The following FAT3 variants were observed in gnomAD, a reference collection of about 807,000 sequenced individuals.
The protein encoded by FAT3 is FAT atypical cadherin 3.
A neutral mutation model predicts 310.2 loss-of-function variants in FAT3; 95 were observed. The observed-to-expected ratio is 0.31, with a 90% confidence interval of 0.26 to 0.36. The LOEUF (loss-of-function observed/expected upper bound fraction) is 0.36. Ranked by LOEUF, FAT3 falls within the 10% of genes least tolerant of loss-of-function variation. The probability of loss-of-function intolerance (pLI) is 1.00; values close to 1 mark genes in which losing one functional copy is unlikely to be tolerated. For synonymous variants in FAT3, 2,314 were observed against 2,192.9 expected (o/e 1.06, Z -1.54); for missense variants, 5,408 against 5,715.6 (o/e 0.95, Z 1.74).
chr11:92,313,777 C>G (rs1384938065), intron 1 of FAT3, among the ~76,000 whole-genome samples: 2 of 152,216 alleles, frequency 1.3e-5, no homozygotes, highest in Non-Finnish European at 2.9e-5. Context: ...TCAGGCCGGT[C>G]TTGAACTCCT....
chr11:92,640,479 C>A (rs746004118), intron 3 of FAT3, among the ~76,000 whole-genome samples: 1 of 152,070 alleles, frequency 6.6e-6, no homozygotes, highest in Non-Finnish European at 1.5e-5. Context: ...TTAATTACTG[C>A]CATTATGACT....
chr11:92,327,963 CCTTT>C (rs1947810302), intron 1 of FAT3, among the ~76,000 whole-genome samples: 1 of 152,130 alleles, frequency 6.6e-6, no homozygotes, highest in South Asian at 2.1e-4. Flanking sequence ...CCTGTGTCTA[CCTTT>C]CTTTTTCTCT....
chr11:92,644,150 G>A (rs1052098793), intron 3 of FAT3, among the ~76,000 whole-genome samples: 1 of 152,190 alleles, frequency 6.6e-6, no homozygotes, highest in Admixed American at 6.5e-5. Flanking sequence ...CTTTTGTCAG[G>A]CAGGCCAGGG....
At chr11:92,675,118 A>C (rs777122571) in intron 3 of FAT3, among the ~76,000 whole-genome samples, 3 of 152,164 alleles carry the variant, frequency 2.0e-5, no homozygotes, top group Non-Finnish European at 4.4e-5. Context: ...TGAGAAATCT[A>C]ATTCTCAAGC....
intron 1 of FAT3, among the ~76,000 whole-genome samples, chr11:92,311,233 T>G (rs1420784469): frequency 2.0e-5 from 3 of 152,178 alleles, no homozygotes; most frequent in African/African-American, 7.2e-5. Context: ...ATGGAATTTA[T>G]GCAGTTGGAA....
rs377677820 is a variant in FAT3, at chr11:92,303,664, C to A, written c.-17-48432C>A. ...AAGAGCAATAAATGTATTGTTGTAG[C>A]TTAAAGTTCCAGGAGCACAGCTTAG... is the stretch of plus-strand genomic sequence containing the variant. On this transcript the variant is annotated intron_variant, in intron 1 of 27. Coordinates refer to ENST00000525166, the MANE Select transcript of FAT3 (RefSeq NM_001367949.2). 3.4e-4 allele frequency among the ~76,000 whole-genome samples: 52 copies of A among 152,210 alleles called. No homozygotes were observed. In the East Asian group the frequency reaches 8.1e-3, roughly 24 times the overall value.
At chr11:92,592,091 A>G (rs1009816538) in intron 3 of FAT3, among the ~76,000 whole-genome samples, 3 of 152,110 alleles carry the variant, frequency 2.0e-5, no homozygotes, top group African/African-American at 7.2e-5. Flanking sequence ...ACGAGAAACG[A>G]TGAGGTGGGG....
chr11:92,291,440 C>T (rs1015643936), intron 1 of FAT3, among the ~76,000 whole-genome samples: 3 of 152,116 alleles, frequency 2.0e-5, no homozygotes, highest in East Asian at 3.9e-4. Context: ...GTATCTAATT[C>T]ATAACCCTCA....
intron 19 of FAT3, among the ~76,000 whole-genome samples, chr11:92,851,537 T>G (rs1002917989): frequency 1.3e-5 from 2 of 152,186 alleles, no homozygotes; most frequent in Non-Finnish European, 2.9e-5. Flanking sequence ...TTTACTTATC[T>G]TACTACCCCA....
chr11:92,447,937 G>T (rs969600130), intron 2 of FAT3, among the ~76,000 whole-genome samples: 9 of 152,202 alleles, frequency 5.9e-5, no homozygotes, highest in African/African-American at 2.2e-4. Flanking sequence ...TCCAGAATTA[G>T]GTTCAAATTG....
intron 3 of FAT3, among the ~76,000 whole-genome samples, chr11:92,645,041 T>G (rs945282285): frequency 6.6e-6 from 1 of 152,154 alleles, no homozygotes; most frequent in Non-Finnish European, 1.5e-5. Context: ...CAAAAAGTGT[T>G]TTTTTGATAA....
At chr11:92,580,413 A>G (rs377216712) in intron 3 of FAT3, among the ~76,000 whole-genome samples, 91 of 152,184 alleles carry the variant, frequency 6.0e-4, no homozygotes, top group African/African-American at 2.0e-3. Flanking sequence ...TTAAGCTCCA[A>G]TTCAGAAAAT....
intron 13 of FAT3, among the ~76,000 whole-genome samples, chr11:92,817,632 C>T (rs1947856753): frequency 6.6e-6 from 1 of 152,218 alleles, no homozygotes; most frequent in Admixed American, 6.5e-5. Context: ...CTGGAATGAA[C>T]TGGGTTTTCC....
At chr11:92,651,479 C>T (rs1160325257) in intron 3 of FAT3, among the ~76,000 whole-genome samples, 3 of 152,156 alleles carry the variant, frequency 2.0e-5, no homozygotes, top group Admixed American at 6.5e-5. Context: ...GCTTGTTGCT[C>T]CTCTAATCCC....
chr11:92,493,128 AC>A (rs1342737943), intron 2 of FAT3, among the ~76,000 whole-genome samples: 1 of 152,030 alleles, frequency 6.6e-6, no homozygotes, highest in African/African-American at 2.4e-5. Flanking sequence ...GATGGGTTTG[AC>A]CTTTGATGGA....
intron 3 of FAT3, among the ~76,000 whole-genome samples, chr11:92,603,751 A>T (rs1940142196): frequency 6.6e-6 from 1 of 152,190 alleles, no homozygotes. Flanking sequence ...AGTCCACCAG[A>T]TTGCTCTTAA....
At chr11:92,685,122 A>G (rs1016311320) in intron 3 of FAT3, among the ~76,000 whole-genome samples, 17 of 152,296 alleles carry the variant, frequency 1.1e-4, no homozygotes, top group Non-Finnish European at 7.3e-5. Context: ...GAAATGAAAC[A>G]TGGGCTGAGC....
chr11:92,567,316 C>T (rs1412079926), intron 3 of FAT3, among the ~76,000 whole-genome samples: 2 of 146,878 alleles, frequency 1.4e-5, no homozygotes, highest in African/African-American at 2.5e-5. Flanking sequence ...CAGAGAAATG[C>T]AAATCAAAAC....
chr11:92,784,019 T>G (rs964431575), intron 7 of FAT3, among the ~76,000 whole-genome samples: 5 of 152,232 alleles, frequency 3.3e-5, no homozygotes, highest in African/African-American at 9.6e-5. Flanking sequence ...TGTATAAATG[T>G]TAACATGCAT....
Sources: allele counts gnomAD v4.1 joint callset (sites outside exome capture counted in the v4.1 genomes callset), GRCh38; gene constraint gnomAD v4.1.1; transcripts MANE v1.5; gene names NCBI Gene and HGNC (gene_info 2026-07-23, HGNC 2026-07-21).